The following RBM6 variants were observed in gnomAD, a reference collection of about 807,000 sequenced individuals.
The protein encoded by RBM6 is RNA-binding protein 6.
Under a neutral mutation model 140.4 loss-of-function variants are expected in RBM6, and 23 were observed. That is an observed-to-expected ratio of 0.16 (90% CI 0.12 to 0.23). The LOEUF is 0.23. RBM6 is among the 10% of genes least tolerant of loss of function. The pLI is 1.00. For synonymous variants in RBM6, 439 were observed against 475.6 expected (o/e 0.92, Z 1.00); for missense variants, 1,139 against 1,386.7 (o/e 0.82, Z 2.84).
intron 8 of RBM6, among the ~76,000 whole-genome samples, chr3:50,055,799 G>A (rs1418089253): frequency 1.3e-5 from 2 of 152,120 alleles, no homozygotes; most frequent in Non-Finnish European, 2.9e-5. Flanking sequence ...AGGATGTGGG[G>A]AACATTTTAT....
At chr3:50,049,937 C>T (rs1360492639) in intron 7 of RBM6, among the ~76,000 whole-genome samples, 1 of 151,852 alleles carries the variant, frequency 6.6e-6, no homozygotes, top group East Asian at 1.9e-4. Flanking sequence ...ATCCTCTCAC[C>T]TCAACCTCCC....
chr3:49,997,297 CA>C (rs201811042), intron 5 of RBM6, among the ~76,000 whole-genome samples: 2,073 of 152,068 alleles, frequency 0.014, 27 homozygotes, highest in Non-Finnish European at 0.02. Flanking sequence ...AGTATGTTGT[CA>C]ACATATAGTA....
intron 5 of RBM6, among the ~76,000 whole-genome samples, chr3:49,985,727 C>A (rs1344848696): frequency 6.6e-6 from 1 of 151,976 alleles, no homozygotes; most frequent in Non-Finnish European, 1.5e-5. Context: ...CTGCCTCAGC[C>A]TCCCGAGTAG....
chr3:49,970,506 T>C (rs1467304183), intron 3 of RBM6, among the ~76,000 whole-genome samples: 1 of 152,192 alleles, frequency 6.6e-6, no homozygotes, highest in Non-Finnish European at 1.5e-5. Context: ...AGACCTGTGA[T>C]TGTTTAGGGA....
chr3:50,056,455 C>T (rs975034272), intron 8 of RBM6, among the ~76,000 whole-genome samples: 1 of 152,022 alleles, frequency 6.6e-6, no homozygotes, highest in Non-Finnish European at 1.5e-5. Flanking sequence ...CCACCGTGCC[C>T]AGCTAATTTT....
At chr3:50,015,440 T>A (rs6800916) in intron 6 of RBM6, among the ~76,000 whole-genome samples, 13,114 of 141,360 alleles carry the variant, frequency 0.093, 730 homozygotes, top group African/African-American at 0.12. Flanking sequence ...TATTTTTTTT[T>A]TTTTTTTTGA....
chr3:49,988,620 C>A (rs2085675879), intron 5 of RBM6, among the ~76,000 whole-genome samples: 1 of 151,994 alleles, frequency 6.6e-6, no homozygotes, highest in African/African-American at 2.4e-5. Flanking sequence ...ATTTGAATGC[C>A]CACAGATGCT....
intron 7 of RBM6, among the ~76,000 whole-genome samples, chr3:50,049,055 G>C (rs1404396351): frequency 6.6e-6 from 1 of 151,156 alleles, no homozygotes; most frequent in East Asian, 2.0e-4. Flanking sequence ...ACCTGCCTCA[G>C]CCTCCCAAAG....
In RBM6 at chr3:50,059,783, C is replaced by A. The variant is rs191156009; in HGVS notation, c.2228+37C>A. 6,334 of 1,534,078 alleles carry A rather than the reference C, an allele frequency of 4.1e-3. 27 individuals are homozygous for A. The highest frequency in any genetic ancestry group is 5.2e-3 in the Non-Finnish European group (5,813 of 1,121,794). The stretch of plus-strand genomic sequence containing the variant: ...GGGTGAGGATCTCTTGTGCTGCCCC[C>A]ACTTGTGTTTTTGAGAGGAAACTCC... On this transcript the variant is annotated intron_variant, in intron 11 of 20. Coordinates refer to ENST00000266022, the MANE Select transcript of RBM6 (RefSeq NM_005777.3).
rs1334907320 is a variant in RBM6 at position 50,041,918 on chromosome 3, C to T, written c.1558-6327C>T. Reference sequence around the variant, plus strand: ...GGGAAGTGTCATGAATGGACTGACTCTCTGGAATTTAAAAACAAAGACAAT... The same window carrying T: ...GGGAAGTGTCATGAATGGACTGACTTTCTGGAATTTAAAAACAAAGACAAT... On this transcript the variant is annotated intron_variant, in intron 6 of 20. Coordinates refer to ENST00000266022, the MANE Select transcript of RBM6 (RefSeq NM_005777.3). 2.0e-5 allele frequency among the ~76,000 whole-genome samples: 3 copies of T among 152,158 alleles called. 1 individual carries two copies. Among genetic ancestry groups the T allele is most frequent in the Non-Finnish European group, 4.4e-5 (3 of 68,032 alleles).
At position 50,048,500 on chromosome 3, in the gene RBM6, C is replaced by T. The variant is rs150721042; in HGVS notation, c.1632+181C>T. On this transcript the variant is annotated intron_variant, in intron 7 of 20. Transcript: ENST00000266022. ...ATTCATAATTTCTCCTTCCCAGCTG[C>T]TACATGTGGCCATAGAGAGTTCTGG... 7.2e-5 allele frequency among the ~76,000 whole-genome samples: 11 copies of T among 152,254 alleles called. 1 individual carries two copies. The East Asian group carries it at 1.9e-3, about 27-fold the overall frequency.
At chr3:50,051,262 C>T (rs1168663348) in intron 7 of RBM6, among the ~76,000 whole-genome samples, 2 of 152,112 alleles carry the variant, frequency 1.3e-5, no homozygotes, top group African/African-American at 4.8e-5. Context: ...ATCACCTGAG[C>T]CCAGGAGGTC....
At chr3:49,987,845 G>A (rs979976384) in intron 5 of RBM6, among the ~76,000 whole-genome samples, 5 of 152,150 alleles carry the variant, frequency 3.3e-5, no homozygotes, top group Admixed American at 2.0e-4. Context: ...TGCCGTGTAG[G>A]CCAGGCTGGT....
intron 1 of RBM6, among the ~76,000 whole-genome samples, chr3:49,948,717 GAAAA>G (rs1298504771): frequency 9.2e-6 from 1 of 108,368 alleles, no homozygotes; most frequent in African/African-American, 3.2e-5. Flanking sequence ...TCTCAAAAAA[GAAAA>G]AAAAAAAAAA....
At chr3:50,061,393 C>T in intron 13 of RBM6, 69 bp from the exon 14 acceptor site, 3 of 1,580,344 alleles carry the variant, frequency 1.9e-6, no homozygotes, top group Non-Finnish European at 2.6e-6. Flanking sequence ...TTCTTGGGTT[C>T]TTGATGAGTC....
Position 50,057,726 on chromosome 3 carries a change from A to G in RBM6, c.1694-2A>G, listed in dbSNP as rs1438411659. ...AGATTCTCTTTGTTTCTGTTCCACT[A>G]GTGACAGAGGCCAAGCAAGAATTAA... On this transcript the variant is annotated splice_acceptor_variant, in intron 8 of 20. Coordinates refer to ENST00000266022, the MANE Select transcript of RBM6 (RefSeq NM_005777.3). LOFTEE classifies it high-confidence loss of function. 21 of 1,598,286 alleles carry G rather than the reference A, an allele frequency of 1.3e-5. No homozygotes were observed. The highest frequency in any genetic ancestry group is 1.8e-5 in the Non-Finnish European group (21 of 1,175,080).
chr3:49,998,664 C>T (rs2086192542), intron 5 of RBM6, among the ~76,000 whole-genome samples: 2 of 152,180 alleles, frequency 1.3e-5, no homozygotes, highest in African/African-American at 4.8e-5. Context: ...TATTTTATAG[C>T]TCTAATGGTT....
At chr3:50,072,231 A>G (rs1249193984) in intron 19 of RBM6, among the ~76,000 whole-genome samples, 3 of 151,218 alleles carry the variant, frequency 2.0e-5, no homozygotes, top group Non-Finnish European at 4.4e-5. Context: ...AACATGGTGA[A>G]ACCCTGTCTC....
chr3:50,054,536 C>A (rs62263582), intron 8 of RBM6, 141 bp downstream of exon 8: 9 of 744,664 alleles, frequency 1.2e-5, no homozygotes, highest in Non-Finnish European at 2.0e-5. Context: ...GATGGAGTCT[C>A]GCTGTGTTGC....
Sources: gnomAD v4.1 joint callset for allele counts (sites outside exome capture counted in the v4.1 genomes callset) on GRCh38, gnomAD v4.1.1 for gene constraint, MANE v1.5 for transcripts, NCBI Gene and HGNC (gene_info 2026-07-23, HGNC 2026-07-21) for gene names.